Variants in FBXL7 observed in about 807,000 individuals in gnomAD.
FBXL7 encodes the protein F-box and leucine rich repeat protein 7, also known as F-box/LRR-repeat protein 7.
In FBXL7, 12 loss-of-function variants were observed where a neutral mutation model predicts 38.3. That is an observed-to-expected ratio of 0.31 (90% CI 0.20 to 0.51). The LOEUF (loss-of-function observed/expected upper bound fraction) is 0.51. FBXL7 is among the 20% of genes least tolerant of loss of function. FBXL7 has a pLI of 0.98. For missense variants in FBXL7, 567 were observed against 676.4 expected (o/e 0.84, Z 1.79); for synonymous variants, 297 against 300.9 (o/e 0.99, Z 0.13).
At chr5:15,655,459 A>G (rs1212020689) in intron 2 of FBXL7, among the ~76,000 whole-genome samples, 1 of 151,432 alleles carries the variant, frequency 6.6e-6, no homozygotes, top group Non-Finnish European at 1.5e-5. Context: ...TCGTCACTGC[A>G]CTCCAGCCTG....
chr5:15,718,434 A>G (rs1305598918), intron 2 of FBXL7, among the ~76,000 whole-genome samples: 4 of 152,210 alleles, frequency 2.6e-5, no homozygotes, highest in Non-Finnish European at 5.9e-5. Flanking sequence ...AATCTTTTAT[A>G]AGATTTGGGT....
At chr5:15,539,150 A>G (rs1234635860) in intron 1 of FBXL7, among the ~76,000 whole-genome samples, 1 of 152,186 alleles carries the variant, frequency 6.6e-6, no homozygotes, top group Admixed American at 6.5e-5. Flanking sequence ...TCTTGTGAAC[A>G]ATTTATTCTA....
chr5:15,843,281 C>A (rs1738798961), intron 2 of FBXL7, among the ~76,000 whole-genome samples: 1 of 152,140 alleles, frequency 6.6e-6, no homozygotes, highest in Non-Finnish European at 1.5e-5. Flanking sequence ...CTCCTTATTA[C>A]CCCCTCTGGT....
At chr5:15,514,056 C>G (rs1736870399) in intron 1 of FBXL7, among the ~76,000 whole-genome samples, 1 of 152,154 alleles carries the variant, frequency 6.6e-6, no homozygotes. Context: ...ATTCCCTCCC[C>G]TTGGTTGTGC....
Position 15,500,645 on chromosome 5 carries a change from T to G in FBXL7, c.-32T>G. The G allele has an allele frequency of 6.2e-7, 1 of 1,613,326 alleles. No homozygotes were observed. The highest frequency in any genetic ancestry group is 1.1e-5 in the South Asian group (1 of 91,070). On this transcript the variant is annotated 5_prime_UTR_variant, in exon 1 of 4. Transcript: ENST00000504595. ...GGACGTGCGCCGCAGCTATGGAGTG[T>G]CCCGGGAGACGGCGGGCATGACGGC... is the stretch of plus-strand genomic sequence containing the variant.
intron 2 of FBXL7, among the ~76,000 whole-genome samples, chr5:15,845,000 T>C (rs897460510): frequency 2.0e-5 from 3 of 152,180 alleles, no homozygotes; most frequent in Admixed American, 6.5e-5. Flanking sequence ...CTTCTTTGCA[T>C]AGGACACGTC....
chr5:15,915,441 C>T (rs530091112), intron 2 of FBXL7, among the ~76,000 whole-genome samples: 154 of 152,334 alleles, frequency 1.0e-3, no homozygotes, highest in Admixed American at 1.6e-3. Flanking sequence ...CGGCCTCCGT[C>T]TTCACAGTGC....
At chr5:15,781,167 T>C (rs1335636544) in intron 2 of FBXL7, among the ~76,000 whole-genome samples, 1 of 152,174 alleles carries the variant, frequency 6.6e-6, no homozygotes, top group Non-Finnish European at 1.5e-5. Context: ...AAATTGGAAC[T>C]TAGAGTTTAC....
intron 1 of FBXL7, among the ~76,000 whole-genome samples, chr5:15,591,393 C>T (rs1739470038): frequency 6.7e-6 from 1 of 149,238 alleles, no homozygotes. Context: ...CGCACCACTG[C>T]ACTCCAGCCT....
At chr5:15,714,028 G>A (rs76752234) in intron 2 of FBXL7, among the ~76,000 whole-genome samples, 3,461 of 152,296 alleles carry the variant, frequency 0.023, 86 homozygotes, top group East Asian at 0.065. Flanking sequence ...GGCAAAAGGG[G>A]CTTTGCAGAT....
chr5:15,799,951 A>G (rs889676748), intron 2 of FBXL7, among the ~76,000 whole-genome samples: 1 of 152,088 alleles, frequency 6.6e-6, no homozygotes, highest in Non-Finnish European at 1.5e-5. Flanking sequence ...TGTTGTTTTA[A>G]TTACTAAAAT....
At chr5:15,656,279 C>T (rs1448565555) in intron 2 of FBXL7, among the ~76,000 whole-genome samples, 2 of 152,152 alleles carry the variant, frequency 1.3e-5, no homozygotes, top group African/African-American at 4.8e-5. Context: ...AATTTATGAA[C>T]ATGTCAGTTG....
intron 2 of FBXL7, among the ~76,000 whole-genome samples, chr5:15,664,114 A>G (rs903103206): frequency 6.6e-6 from 1 of 152,052 alleles, no homozygotes; most frequent in African/African-American, 2.4e-5. Flanking sequence ...CTGTTTAGTT[A>G]TATCTCTTAG....
At chr5:15,673,132 A>G (rs576531603) in intron 2 of FBXL7, among the ~76,000 whole-genome samples, 2 of 152,200 alleles carry the variant, frequency 1.3e-5, no homozygotes, top group Admixed American at 1.3e-4. Context: ...CCTGGCCAAC[A>G]TGGCAAAACC....
intron 2 of FBXL7, among the ~76,000 whole-genome samples, chr5:15,714,588 C>T (rs762618920): frequency 2.6e-4 from 40 of 152,188 alleles, no homozygotes; most frequent in Non-Finnish European, 5.0e-4. Context: ...GGAGCAGTGG[C>T]TCACGCCTAT....
intron 1 of FBXL7, among the ~76,000 whole-genome samples, chr5:15,592,870 T>C (rs74819618): frequency 0.031 from 4,704 of 152,262 alleles, 132 homozygotes; most frequent in South Asian, 0.068. Flanking sequence ...AGCTAAAATT[T>C]TGTTTGTACT....
chr5:15,859,690 C>T (rs973555361), intron 2 of FBXL7, among the ~76,000 whole-genome samples: 1 of 152,034 alleles, frequency 6.6e-6, no homozygotes, highest in Non-Finnish European at 1.5e-5. Flanking sequence ...AAAGACCTGC[C>T]CCCATTATTC....
intron 2 of FBXL7, among the ~76,000 whole-genome samples, chr5:15,767,191 G>A (rs1188570865): frequency 4.0e-5 from 6 of 151,808 alleles, no homozygotes; most frequent in African/African-American, 9.7e-5. Flanking sequence ...CCCAGTGTGC[G>A]TTGTCACGCC....
chr5:15,809,915 A>T lies in FBXL7; in HGVS notation c.128-117975A>T, dbSNP rs149997904. Among the ~76,000 whole-genome samples the T allele has an allele frequency of 3.9e-5, 6 of 152,324 alleles. No homozygotes were observed. In the East Asian group the frequency reaches 1.2e-3, roughly 29 times the overall value. On this transcript the variant is annotated intron_variant, in intron 2 of 3. Transcript: ENST00000504595. ...CTGCAAATCCTGACATTTTTCCCTA[A>T]TGTGTAAATGGCAGATGTCATTTAT...
Sources: gnomAD v4.1 joint callset for allele counts (sites outside exome capture counted in the v4.1 genomes callset) on GRCh38, gnomAD v4.1.1 for gene constraint, MANE v1.5 for transcripts, NCBI Gene and HGNC (gene_info 2026-07-23, HGNC 2026-07-21) for gene names.